Variants in STXBP5L observed in about 807,000 individuals in gnomAD.
The protein encoded by STXBP5L is syntaxin binding protein 5L.
STXBP5L carries 65 observed loss-of-function variants against 144.5 expected under a neutral mutation model. The ratio of observed to expected loss-of-function variants is 0.45; its 90% CI spans 0.37 to 0.55. The LOEUF (loss-of-function observed/expected upper bound fraction) is 0.55, where lower values mean the gene tolerates loss of function less well. Among genes scored for constraint, STXBP5L ranks in the 20% least tolerant of loss-of-function variants. The pLI, the probability that STXBP5L is intolerant of heterozygous loss-of-function variation, is 0.00. For synonymous variants in STXBP5L, 505 were observed against 469.6 expected (o/e 1.08, Z -0.97); for missense variants, 1,298 against 1,405.5 (o/e 0.92, Z 1.22).
intron 7 of STXBP5L, among the ~76,000 whole-genome samples, chr3:121,128,697 A>G (rs1162285112): frequency 6.6e-6 from 1 of 152,060 alleles, no homozygotes; most frequent in Non-Finnish European, 1.5e-5. Flanking sequence ...TGGCTAATAT[A>G]CCATGATGTT....
At chr3:121,123,045 A>T (rs74502689) in intron 7 of STXBP5L, among the ~76,000 whole-genome samples, 15,038 of 151,550 alleles carry the variant, frequency 0.099, 1,173 homozygotes, top group Admixed American at 0.2. Flanking sequence ...AAAAAAGATG[A>T]TTTTAAGAGT....
chr3:121,173,788 G>T (rs2046825933), intron 9 of STXBP5L, among the ~76,000 whole-genome samples: 1 of 152,056 alleles, frequency 6.6e-6, no homozygotes, highest in Non-Finnish European at 1.5e-5. Context: ...GTGGACAACT[G>T]CAGCTGCAGA....
chr3:121,058,498 G>T (rs538952560), intron 5 of STXBP5L, among the ~76,000 whole-genome samples: 1 of 152,138 alleles, frequency 6.6e-6, no homozygotes. Flanking sequence ...CCCAGTAATG[G>T]GATGGCTGGG....
At chr3:121,191,094 G>A (rs530726942) in intron 9 of STXBP5L, among the ~76,000 whole-genome samples, 39 of 151,980 alleles carry the variant, frequency 2.6e-4, no homozygotes, top group South Asian at 8.3e-4. Flanking sequence ...CATCCCAGAC[G>A]ATGGGCGGCC....
intron 5 of STXBP5L, among the ~76,000 whole-genome samples, chr3:121,109,685 G>A (rs2043887010): frequency 1.3e-5 from 2 of 152,176 alleles, no homozygotes; most frequent in Admixed American, 6.6e-5. Flanking sequence ...TGAAAATAAT[G>A]TATATTCTGC....
intron 3 of STXBP5L, among the ~76,000 whole-genome samples, chr3:120,977,528 C>A (rs917641229): frequency 1.2e-4 from 19 of 152,154 alleles, no homozygotes; most frequent in Non-Finnish European, 2.1e-4. Flanking sequence ...TTAATTGTAG[C>A]ATTTAGTCCT....
chr3:121,010,577 G>T (rs1944698212), intron 3 of STXBP5L, among the ~76,000 whole-genome samples: 1 of 151,488 alleles, frequency 6.6e-6, no homozygotes, highest in East Asian at 1.9e-4. Context: ...GGGGTTAGGG[G>T]AACTGATCTG....
At chr3:120,973,460 C>T (rs771335235) in intron 3 of STXBP5L, among the ~76,000 whole-genome samples, 1 of 151,780 alleles carries the variant, frequency 6.6e-6, no homozygotes, top group South Asian at 2.1e-4. Flanking sequence ...TGAATCTTCT[C>T]TTTTTTATTC....
At chr3:121,096,141 G>A (rs572485593) in intron 5 of STXBP5L, among the ~76,000 whole-genome samples, 1 of 152,228 alleles carries the variant, frequency 6.6e-6, no homozygotes, top group East Asian at 1.9e-4. Context: ...CCAGTGAGAT[G>A]AACCCGGTAC....
At chr3:121,174,240 A>T (rs531054945) in intron 9 of STXBP5L, among the ~76,000 whole-genome samples, 2 of 152,256 alleles carry the variant, frequency 1.3e-5, no homozygotes, top group Admixed American at 6.6e-5. Flanking sequence ...ATATTTGTGT[A>T]TATAAGTTTT....
chr3:121,194,825 G>T (rs2047854606), intron 9 of STXBP5L, among the ~76,000 whole-genome samples: 1 of 150,114 alleles, frequency 6.7e-6, no homozygotes, highest in African/African-American at 2.5e-5. Flanking sequence ...TTTTGTACAG[G>T]TTATCTGATT....
chr3:121,358,731 G>A (rs1257605487), intron 20 of STXBP5L, among the ~76,000 whole-genome samples: 1 of 152,156 alleles, frequency 6.6e-6, no homozygotes, highest in Admixed American at 6.6e-5. Flanking sequence ...GCACAAATAA[G>A]TGAGAATATT....
chr3:121,018,240 G>A (rs551591572), intron 3 of STXBP5L, among the ~76,000 whole-genome samples: 3 of 152,238 alleles, frequency 2.0e-5, no homozygotes, highest in Admixed American at 1.3e-4. Flanking sequence ...AAGTGTATAT[G>A]GAATGGCAAA....
chr3:121,300,731 A>C (rs1391185392), intron 19 of STXBP5L, among the ~76,000 whole-genome samples: 21 of 151,948 alleles, frequency 1.4e-4, no homozygotes, highest in African/African-American at 4.8e-4. Flanking sequence ...GTAAACAAAC[A>C]AAAAAAAGAA....
At chr3:120,996,751 C>A (rs1021867982) in intron 3 of STXBP5L, among the ~76,000 whole-genome samples, 2 of 152,074 alleles carry the variant, frequency 1.3e-5, no homozygotes, top group Admixed American at 1.3e-4. Flanking sequence ...TCTTAATATC[C>A]TCCACATTCA....
intron 7 of STXBP5L, among the ~76,000 whole-genome samples, chr3:121,151,109 G>A (rs1395836248): frequency 6.6e-6 from 1 of 151,282 alleles, no homozygotes; most frequent in Non-Finnish European, 1.5e-5. Flanking sequence ...AAAAAAGAAA[G>A]AAAAGAAATT....
intron 14 of STXBP5L, among the ~76,000 whole-genome samples, chr3:121,248,243 T>A (rs1461077069): frequency 6.6e-6 from 1 of 152,160 alleles, no homozygotes; most frequent in East Asian, 1.9e-4. Context: ...TTTGCACTTT[T>A]AGTAGAGACA....
intron 3 of STXBP5L, among the ~76,000 whole-genome samples, chr3:121,002,649 A>T (rs1276376535): frequency 6.6e-6 from 1 of 151,814 alleles, no homozygotes; most frequent in Non-Finnish European, 1.5e-5. Flanking sequence ...ATTTTCTTTT[A>T]AGAGATTAAC....
intron 6 of STXBP5L, among the ~76,000 whole-genome samples, chr3:121,117,613 T>C (rs1321336540): frequency 1.3e-5 from 2 of 151,808 alleles, no homozygotes; most frequent in East Asian, 3.8e-4. Flanking sequence ...TTTTAGTCCA[T>C]GAATTTTAAT....
Sources: gnomAD v4.1 joint callset for allele counts (sites outside exome capture counted in the v4.1 genomes callset) on GRCh38, gnomAD v4.1.1 for gene constraint, MANE v1.5 for transcripts, NCBI Gene and HGNC (gene_info 2026-07-23, HGNC 2026-07-21) for gene names.